The following SPAG1 variants were observed in gnomAD, a reference collection of about 807,000 sequenced individuals.
The protein encoded by SPAG1 is sperm-associated antigen 1.
A neutral mutation model predicts 100.5 loss-of-function variants in SPAG1; 69 were observed. That is an observed-to-expected ratio of 0.69 (90% CI 0.57 to 0.84). The LOEUF (loss-of-function observed/expected upper bound fraction) is 0.84. Ranked by LOEUF, SPAG1 falls within the 40% of genes least tolerant of loss-of-function variation. The pLI is 0.00. For synonymous variants in SPAG1, 336 were observed against 411.6 expected (o/e 0.82, Z 2.22); for missense variants, 955 against 1,133.1 (o/e 0.84, Z 2.26).
At chr8:100,188,590 C>CTTGTCATG (rs1816682989) in intron 8 of SPAG1, among the ~76,000 whole-genome samples, 1 of 152,194 alleles carries the variant, frequency 6.6e-6, no homozygotes, top group African/African-American at 2.4e-5. Context: ...GACTGACCAC[C>CTTGTCATG]TTGTCATGGT....
intron 7 of SPAG1, among the ~76,000 whole-genome samples, chr8:100,185,983 T>C (rs1816567964): frequency 6.6e-6 from 1 of 151,878 alleles, no homozygotes. Flanking sequence ...TGAGGAGTCA[T>C]ATAGTTGAAG....
At chr8:100,159,502 A>G (rs1182323036) in intron 1 of SPAG1, among the ~76,000 whole-genome samples, 1 of 152,240 alleles carries the variant, frequency 6.6e-6, no homozygotes, top group Non-Finnish European at 1.5e-5. Context: ...GCTGAAAGAA[A>G]TACTTCTATG....
intron 1 of SPAG1, among the ~76,000 whole-genome samples, chr8:100,161,967 T>C (rs1815325863): frequency 6.6e-6 from 1 of 152,196 alleles, no homozygotes; most frequent in Non-Finnish European, 1.5e-5. Flanking sequence ...AACGTCTTCC[T>C]CCTCGGTTCA....
intron 4 of SPAG1, among the ~76,000 whole-genome samples, chr8:100,178,558 A>C (rs1816229979): frequency 6.6e-6 from 1 of 152,016 alleles, no homozygotes; most frequent in Non-Finnish European, 1.5e-5. Flanking sequence ...CCTGGCATCC[A>C]TCTGACCTTG....
chr8:100,241,084 G>A lies in SPAG1; in HGVS notation c.*62G>A, dbSNP rs917200293. On this transcript the variant is annotated 3_prime_UTR_variant, in exon 19 of 19. Transcript: ENST00000388798. The surrounding 1 kb of genome is among the most constrained non-coding windows in gnomAD (Gnocchi z 5.1). ...GTGTTCCAGGAATGTTAATGAGATG[G>A]TATTGTAAAAGAGTTGCATGGATAA... The A allele has an allele frequency of 2.1e-5, 32 of 1,558,226 alleles. No homozygotes were observed. The highest frequency in any genetic ancestry group is 2.5e-5 in the Non-Finnish European group (29 of 1,147,054).
At chr8:100,182,732 A>G (rs1563778877) in intron 4 of SPAG1, among the ~76,000 whole-genome samples, 1 of 152,198 alleles carries the variant, frequency 6.6e-6, no homozygotes, top group Non-Finnish European at 1.5e-5. Context: ...AGGTTTGAAA[A>G]GAATGAATCA....
intron 10 of SPAG1, among the ~76,000 whole-genome samples, chr8:100,206,055 A>AGAAAGAT (rs1817502520): frequency 7.4e-6 from 1 of 135,008 alleles, no homozygotes; most frequent in Non-Finnish European, 1.6e-5. Context: ...AAAAAAAAAA[A>AGAAAGAT]GAAAGATGCA....
intron 1 of SPAG1, among the ~76,000 whole-genome samples, chr8:100,161,551 G>A (rs1259198049): frequency 6.6e-6 from 1 of 151,830 alleles, no homozygotes; most frequent in Non-Finnish European, 1.5e-5. Context: ...GGGCCTTAAA[G>A]CATGACAAAA....
At chr8:100,178,632 C>A (rs1289790149) in intron 4 of SPAG1, among the ~76,000 whole-genome samples, 2 of 152,154 alleles carry the variant, frequency 1.3e-5, no homozygotes, top group African/African-American at 4.8e-5. Context: ...TTATTCTCGT[C>A]TTTTCTTTGA....
At chr8:100,235,526 C>T (rs999124121) in intron 16 of SPAG1, among the ~76,000 whole-genome samples, 1 of 151,898 alleles carries the variant, frequency 6.6e-6, no homozygotes, top group Non-Finnish European at 1.5e-5. Context: ...CATTCAGGAG[C>T]GGGGCAGTTT....
At chr8:100,206,618 G>T (rs1406665304) in intron 10 of SPAG1, among the ~76,000 whole-genome samples, 4 of 152,154 alleles carry the variant, frequency 2.6e-5, no homozygotes, top group African/African-American at 4.8e-5. Flanking sequence ...GTGGTATGGG[G>T]CCTGTCGAGA....
At position 100,201,862 on chromosome 8, in the gene SPAG1, T is replaced by C. The variant is rs569853323; in HGVS notation, c.1096+7594T>C. On this transcript the variant is annotated intron_variant, in intron 10 of 18. Coordinates refer to ENST00000388798, the MANE Select transcript of SPAG1 (RefSeq NM_003114.5). The stretch of plus-strand genomic sequence containing the variant: ...GGTGCCTGGCCACCCTAGGCACCTC[T>C]TCCTCTGTAACCCTTGCAGTATCCT... Among the ~76,000 whole-genome samples the C allele has an allele frequency of 1.8e-3, 276 of 152,312 alleles. 2 individuals are homozygous for C. The highest frequency in any genetic ancestry group is 6.1e-3 in the African/African-American group (255 of 41,572).
At position 100,191,497 on chromosome 8, in the gene SPAG1, G is replaced by C; in HGVS notation, c.939+1G>C. ...TGAGCCTGATAATGATTTGGCCAAG[G>C]TAAGTATAGAATGTGATTTCTCACC... On this transcript the variant is annotated splice_donor_variant, in intron 9 of 18. Coordinates refer to ENST00000388798, the MANE Select transcript of SPAG1 (RefSeq NM_003114.5). LOFTEE classifies it high-confidence loss of function. 1 of 1,593,784 alleles carries C rather than the reference G, an allele frequency of 6.3e-7. No homozygotes were observed. The highest frequency in any genetic ancestry group is 8.6e-7 in the Non-Finnish European group (1 of 1,162,124).
chr8:100,197,920 T>C (rs1347427417), intron 10 of SPAG1, among the ~76,000 whole-genome samples: 1 of 152,194 alleles, frequency 6.6e-6, no homozygotes, highest in African/African-American at 2.4e-5. Flanking sequence ...AATTGCCTAT[T>C]GGCCAGGATG....
At chr8:100,213,450 G>A in intron 11 of SPAG1, 22 bp downstream of exon 11, 2 of 1,374,364 alleles carry the variant, frequency 1.5e-6, no homozygotes, top group Non-Finnish European at 1.9e-6. Context: ...GCGCCCCGCC[G>A]CTTCCTGGGC....
chr8:100,235,193 C>T (rs894502170), intron 16 of SPAG1, among the ~76,000 whole-genome samples: 3 of 152,112 alleles, frequency 2.0e-5, no homozygotes, highest in African/African-American at 7.2e-5. Flanking sequence ...ATGTGGCCTT[C>T]CCTCTGTGTG....
intron 10 of SPAG1, among the ~76,000 whole-genome samples, chr8:100,202,295 A>G (rs1179760349): frequency 6.6e-6 from 1 of 151,326 alleles, no homozygotes; most frequent in Admixed American, 6.6e-5. Context: ...TTTTGTTTTT[A>G]TTTGTTTTTA....
chr8:100,223,580 CTT>C (rs34674281), intron 13 of SPAG1, among the ~76,000 whole-genome samples: 83 of 143,254 alleles, frequency 5.8e-4, no homozygotes, highest in Admixed American at 2.8e-3. Flanking sequence ...ACAGCAGAAG[CTT>C]TTTTTTTTTT....
chr8:100,223,666 C>T (rs892644430), intron 13 of SPAG1, among the ~76,000 whole-genome samples: 1 of 151,048 alleles, frequency 6.6e-6, no homozygotes. Context: ...CTCCAGGAAT[C>T]TTATATGTTA....
Sources: gnomAD v4.1 joint callset for allele counts (sites outside exome capture counted in the v4.1 genomes callset) on GRCh38, gnomAD v4.1.1 for gene constraint, Gnocchi (gnomAD v3.1) non-coding constraint, MANE v1.5 for transcripts, NCBI Gene and HGNC (gene_info 2026-07-23, HGNC 2026-07-21) for gene names.